STARD9: variants seen among roughly 807,000 people sequenced by gnomAD.
STARD9 encodes the protein StAR related lipid transfer domain containing 9.
Under a neutral mutation model 399.8 loss-of-function variants are expected in STARD9, and 346 were observed. That is an observed-to-expected ratio of 0.87 (90% CI 0.79 to 0.95). The LOEUF is 0.95. Among genes scored for constraint, STARD9 ranks in the 40% least tolerant of loss-of-function variants. STARD9 has a pLI of 0.00. For synonymous variants in STARD9, 2,203 were observed against 2,143.5 expected (o/e 1.03, Z -0.77); for missense variants, 5,832 against 5,667.5 (o/e 1.03, Z -0.93).
chr15:42,701,944 G>A (rs924937466), intron 26 of STARD9, among the ~76,000 whole-genome samples: 2 of 136,434 alleles, frequency 1.5e-5, no homozygotes, highest in South Asian at 2.5e-4. Flanking sequence ...GCAGTGACCC[G>A]AGATCATCAT....
chr15:42,609,151 A>G (rs1195304171), intron 3 of STARD9, among the ~76,000 whole-genome samples: 3 of 152,182 alleles, frequency 2.0e-5, no homozygotes. Flanking sequence ...GGGAAGGGGA[A>G]TATATTGGAA....
chr15:42,584,255 G>A (rs2058229375), intron 2 of STARD9, among the ~76,000 whole-genome samples: 1 of 152,164 alleles, frequency 6.6e-6, no homozygotes, highest in Non-Finnish European at 1.5e-5. Context: ...CTCCTGTGAT[G>A]TGATGTGTTT....
At position 42,688,779 on chromosome 15, in the gene STARD9, T is replaced by C. The variant is rs1228554724; in HGVS notation, c.7201T>C (p.Ser2401Pro). The C allele has an allele frequency of 6.5e-7, 1 of 1,537,576 alleles. No individual in the cohort carries two copies. Among genetic ancestry groups the C allele is most frequent in the Admixed American group, 2.0e-5 (1 of 51,000 alleles). The change falls in exon 23 of 33, where the codon TCT becomes CCT. Residue 2401 changes from serine to proline, a missense_variant. Coordinates refer to ENST00000290607, the MANE Select transcript of STARD9 (RefSeq NM_020759.3). ...SPEGNVRGRSSEAHTAWCGSV... is the reference protein window; with the variant it reads ...SPEGNVRGRSPEAHTAWCGSV... ...CGAAGGAAATGTTAGAGGGCGTTCC[T>C]CTGAGGCACACACTGCCTGGTGTGG...
rs1345254076 is a variant in STARD9, at chr15:42,635,032, C to G, written c.351+60C>G. ...CAGCAAGCCTGAACCTTGCATTGTCCTTACTACTGTGAGACAGAATATGAT... is the reference window on the plus strand; with the variant it reads ...CAGCAAGCCTGAACCTTGCATTGTCGTTACTACTGTGAGACAGAATATGAT... On this transcript the variant is annotated intron_variant, in intron 4 of 32. Transcript: ENST00000290607. The G allele has an allele frequency of 4.7e-6, 4 of 850,608 alleles. No individual in the cohort carries two copies. The East Asian group carries it at 8.5e-5, about 18-fold the overall frequency. The allele number at this position is 850,608 out of a possible 1,614,324, so 52.7% of individuals were successfully genotyped here.
chr15:42,610,230 C>T (rs1408710453), intron 3 of STARD9, among the ~76,000 whole-genome samples: 2 of 152,322 alleles, frequency 1.3e-5, no homozygotes, highest in East Asian at 3.9e-4. Context: ...CCTTCATCTT[C>T]TGCTGCTAGG....
intron 15 of STARD9, among the ~76,000 whole-genome samples, chr15:42,666,449 C>T (rs554690503): frequency 1.1e-3 from 173 of 152,152 alleles, no homozygotes; most frequent in African/African-American, 3.9e-3. Context: ...ATAACATAAG[C>T]AAAGCCTTGA....
intron 3 of STARD9, among the ~76,000 whole-genome samples, chr15:42,610,553 C>T (rs2058827402): frequency 6.6e-6 from 1 of 152,152 alleles, no homozygotes; most frequent in South Asian, 2.1e-4. Context: ...TTTTCTTCTT[C>T]TTTTCTTTTT....
chr15:42,688,420 A>C lies in STARD9; in HGVS notation c.6842A>C (p.Gln2281Pro). 6.5e-7 allele frequency: 1 copy of C among 1,537,722 alleles called. No homozygotes were observed. The highest frequency in any genetic ancestry group is 8.7e-7 in the Non-Finnish European group (1 of 1,147,040). ...AQGKVEEMPM[Q>P]RGGSLQEENK... is the part of the protein sequence containing the mutation. Reference sequence around the variant, plus strand: ...GGTAAAGTTGAAGAAATGCCTATGCAAAGGGGAGGCAGCCTTCAGGAAGAA... The same window carrying C: ...GGTAAAGTTGAAGAAATGCCTATGCCAAGGGGAGGCAGCCTTCAGGAAGAA... The change falls in exon 23 of 33, where the codon CAA becomes CCA. Residue 2281 changes from glutamine (Q) to proline (P), a missense_variant. Transcript: ENST00000290607.
rs146085697 is a variant in STARD9, at chr15:42,659,101, A to G, written c.703-2057A>G. On this transcript the variant is annotated intron_variant, in intron 9 of 32. Transcript: ENST00000290607. ...GCACTTCAGCCTAGGTGACACAGCAAGACTCCCTCGAAAGAAAGAAAGAGA... is the reference window on the plus strand; with the variant it reads ...GCACTTCAGCCTAGGTGACACAGCAGGACTCCCTCGAAAGAAAGAAAGAGA... 1.7e-4 allele frequency among the ~76,000 whole-genome samples: 26 copies of G among 152,290 alleles called. No homozygotes were observed. In the East Asian group the frequency reaches 4.7e-3, roughly 27 times the overall value.
At chr15:42,597,156 C>T (rs975481643) in intron 3 of STARD9, among the ~76,000 whole-genome samples, 1 of 151,998 alleles carries the variant, frequency 6.6e-6, no homozygotes, top group Non-Finnish European at 1.5e-5. Flanking sequence ...AGTGTAGTGT[C>T]GTGATCATGG....
intron 20 of STARD9, among the ~76,000 whole-genome samples, chr15:42,680,303 A>C (rs2060400634): frequency 6.6e-6 from 1 of 152,242 alleles, no homozygotes; most frequent in Middle Eastern, 3.4e-3. Context: ...CATGACTAAA[A>C]TCTAGAATTT....
chr15:42,599,451 C>A (rs762346979), intron 3 of STARD9, among the ~76,000 whole-genome samples: 5 of 152,156 alleles, frequency 3.3e-5, no homozygotes, highest in Non-Finnish European at 7.3e-5. Context: ...GGCTCCTCTT[C>A]CTAGTGTATA....
chr15:42,634,974 T>C lies in STARD9; in HGVS notation c.351+2T>C. 2.0e-6 allele frequency: 3 copies of C among 1,496,880 alleles called. No homozygotes were observed. The highest frequency in any genetic ancestry group is 2.7e-6 in the Non-Finnish European group (3 of 1,111,488). 92.7% of individuals were successfully genotyped at this position (1,496,880 alleles called of 1,614,324 possible). ...ACATATACCATGCTGGGGACCCCAG[T>C]GAGTATTACAATGATATATATTCCT... is the stretch of plus-strand genomic sequence containing the variant. On this transcript the variant is annotated splice_donor_variant, in intron 4 of 32. Coordinates refer to ENST00000290607, the MANE Select transcript of STARD9 (RefSeq NM_020759.3). LOFTEE classifies it high-confidence loss of function.
chr15:42,718,248 G>A (rs2061388227), intron 30 of STARD9, 69 bp downstream of exon 30: 1 of 1,436,142 alleles, frequency 7.0e-7, no homozygotes. Context: ...CTTGCTGGGG[G>A]ATAGAGGTGG....
chr15:42,644,444 G>T (rs1194980732), intron 7 of STARD9, among the ~76,000 whole-genome samples: 3 of 151,888 alleles, frequency 2.0e-5, no homozygotes, highest in Non-Finnish European at 4.4e-5. Flanking sequence ...AGTGAGCCAG[G>T]ATCACGCCAC....
intron 26 of STARD9, among the ~76,000 whole-genome samples, chr15:42,712,420 G>A (rs1183388499): frequency 6.6e-6 from 1 of 151,626 alleles, no homozygotes; most frequent in Non-Finnish European, 1.5e-5. Flanking sequence ...TTATGCCTAT[G>A]TTTTCTTCTA....
At chr15:42,665,762 A>C (rs772004807) in intron 14 of STARD9, 24 bp from the exon 15 acceptor site, 28 of 1,535,094 alleles carry the variant, frequency 1.8e-5, no homozygotes, top group Middle Eastern at 3.3e-4. Flanking sequence ...GAAAATATCA[A>C]AGCACATCTC....
chr15:42,686,966 T>C lies in STARD9; in HGVS notation c.5388T>C (p.Asn1796=). ...HQALQGAYLK[N]NLPVLLQNQN... is the part of the protein sequence containing the mutation. ...CTCTCCAAGGTGCTTATTTGAAGAA[T>C]AATTTGCCAGTGCTGTTACAAAACC... is the stretch of plus-strand genomic sequence containing the variant. The change falls in exon 23 of 33, where the codon AAT becomes AAC. Residue 1796 remains asparagine (N), a synonymous_variant. Transcript: ENST00000290607. The C allele has an allele frequency of 6.5e-7, 1 of 1,536,578 alleles. No individual in the cohort carries two copies. Among genetic ancestry groups the C allele is most frequent in the African/African-American group, 1.4e-5 (1 of 73,138 alleles).
chr15:42,584,648 CCT>C (rs1423779676), intron 2 of STARD9, among the ~76,000 whole-genome samples: 1 of 152,116 alleles, frequency 6.6e-6, no homozygotes, highest in Non-Finnish European at 1.5e-5. Context: ...CTCCTCAGTA[CCT>C]GGAGGTCAGT....
Sources: allele counts gnomAD v4.1 joint callset (sites outside exome capture counted in the v4.1 genomes callset), GRCh38; gene constraint gnomAD v4.1.1; transcripts MANE v1.5; gene names NCBI Gene and HGNC (gene_info 2026-07-23, HGNC 2026-07-21).